The following IGDCC3 variants were observed in gnomAD, a reference collection of about 807,000 sequenced individuals.
IGDCC3 encodes immunoglobulin superfamily DCC subclass member 3, also known as putative neuronal cell adhesion molecule.
Under a neutral mutation model 72.0 loss-of-function variants are expected in IGDCC3, and 47 were observed. The observed-to-expected ratio is 0.65, with a 90% CI of 0.52 to 0.83. The LOEUF (loss-of-function observed/expected upper bound fraction) is 0.83, where lower values mean the gene tolerates loss of function less well. Ranked by LOEUF, IGDCC3 falls within the 40% of genes least tolerant of loss-of-function variation. The pLI, the probability that IGDCC3 is intolerant of heterozygous loss-of-function variation, is 0.00. For missense variants in IGDCC3, 1,038 were observed against 1,091.3 expected, an observed-to-expected ratio of 0.95 and a Z score of 0.69; for synonymous variants, 477 against 472.8, an observed-to-expected ratio of 1.01 and a Z score of -0.11.
intron 2 of IGDCC3, among the ~76,000 whole-genome samples, chr15:65,338,538 C>T (rs552512739): frequency 6.6e-6 from 1 of 152,266 alleles, no homozygotes; most frequent in East Asian, 1.9e-4. Context: ...GGCTCTTCAC[C>T]CCCACCCCTG....
chr15:65,341,025 G>A (rs1017902956), intron 2 of IGDCC3, among the ~76,000 whole-genome samples: 3 of 152,186 alleles, frequency 2.0e-5, no homozygotes, highest in Non-Finnish European at 4.4e-5. Flanking sequence ...CACCATGCCC[G>A]GCCCACATTT....
In IGDCC3 at chr15:65,334,841, TC is replaced by T. The variant is rs770319633; in HGVS notation, c.709del (p.Glu237SerfsTer13). ...CTCAGGCCCCACGAGGATGGCTGGC[TC>T]CTTGTAGGCCCCAGAGCCCGAGCCT... Reference protein sequence around the residue: ...VSGSGSGAYKEPAILVGPENL... With the variant: ...VSGSGSGAYKXPAILVGPENL... On this transcript the variant is annotated frameshift_variant, in exon 5 of 14. Transcript: ENST00000327987. LOFTEE classifies it high-confidence loss of function. 1 of 1,613,210 alleles carries T rather than the reference TC, an allele frequency of 6.2e-7. No homozygotes were observed. Among genetic ancestry groups the T allele is most frequent in the Non-Finnish European group, 8.5e-7 (1 of 1,179,650 alleles).
intron 2 of IGDCC3, among the ~76,000 whole-genome samples, chr15:65,361,844 C>A (rs1704109376): frequency 6.6e-6 from 1 of 152,220 alleles, no homozygotes; most frequent in Admixed American, 6.5e-5. Flanking sequence ...GAGGACGAGG[C>A]ATCATTTTCG....
chr15:65,343,455 T>C (rs1433825245), intron 2 of IGDCC3, among the ~76,000 whole-genome samples: 2 of 152,048 alleles, frequency 1.3e-5, no homozygotes, highest in Non-Finnish European at 2.9e-5. Context: ...AACCAGAGCC[T>C]CTTCTACCTT....
At chr15:65,367,346 CAAAAAAA>C (rs10609381) in intron 2 of IGDCC3, among the ~76,000 whole-genome samples, 3 of 74,418 alleles carry the variant, frequency 4.0e-5, no homozygotes, top group Non-Finnish European at 5.6e-5. Context: ...GACTTTGTCT[CAAAAAAA>C]AAAAAAAAAA....
At position 65,377,915 on chromosome 15, in the gene IGDCC3, G is replaced by T; in HGVS notation, c.-127C>A. 1.1e-6 allele frequency: 1 copy of T among 897,262 alleles called. No individual in the cohort carries two copies. The highest frequency in any genetic ancestry group is 1.3e-6 in the Non-Finnish European group (1 of 742,932). The allele number at this position is 897,262 out of a possible 1,614,324, so 55.6% of individuals were successfully genotyped here. A position where few individuals can be genotyped will look rare whatever the true frequency, so the allele number is the denominator to read the frequency against. ...GCCGGGGCCGAGCCCAGGCGGTGGGGGACTGGGGCCGCATGCCTGCTCAGC... is the reference window on the plus strand; with the variant it reads ...GCCGGGGCCGAGCCCAGGCGGTGGGTGACTGGGGCCGCATGCCTGCTCAGC... On this transcript the variant is annotated 5_prime_UTR_variant, in exon 1 of 14. Coordinates refer to ENST00000327987, the MANE Select transcript of IGDCC3 (RefSeq NM_004884.4). This position sits in a 1 kb window ranked among gnomAD's most constrained non-coding sequence, Gnocchi z 4.9.
chr15:65,369,304 A>C (rs532558810), intron 2 of IGDCC3, among the ~76,000 whole-genome samples: 177 of 152,252 alleles, frequency 1.2e-3, no homozygotes, highest in African/African-American at 4.1e-3. Flanking sequence ...CAACCCCCTC[A>C]CCTTATAATC....
At chr15:65,352,681 C>T (rs1017188912) in intron 2 of IGDCC3, among the ~76,000 whole-genome samples, 3 of 152,192 alleles carry the variant, frequency 2.0e-5, no homozygotes, top group African/African-American at 7.2e-5. Context: ...AAGGTTCCTT[C>T]TATGGAAGAG....
intron 2 of IGDCC3, among the ~76,000 whole-genome samples, chr15:65,372,308 A>G (rs1352286182): frequency 6.6e-6 from 1 of 152,170 alleles, no homozygotes; most frequent in Non-Finnish European, 1.5e-5. Context: ...CGTCCTTAAC[A>G]AGTCTCAATT....
At position 65,329,295 on chromosome 15, in the gene IGDCC3, G is replaced by A. The variant is rs2090953326; in HGVS notation, c.2205+95C>T. 2 of 1,472,860 alleles carry A rather than the reference G, an allele frequency of 1.4e-6. No homozygotes were observed. Among genetic ancestry groups the A allele is most frequent in the Non-Finnish European group, 9.2e-7 (1 of 1,092,102 alleles). 91.2% of individuals were successfully genotyped at this position (1,472,860 alleles called of 1,614,324 possible). A position where few individuals can be genotyped will look rare whatever the true frequency, so the allele number is the denominator to read the frequency against. On this transcript the variant is annotated intron_variant, in intron 13 of 13. Coordinates refer to ENST00000327987, the MANE Select transcript of IGDCC3 (RefSeq NM_004884.4). This position sits in a 1 kb window ranked among gnomAD's most constrained non-coding sequence, Gnocchi z 4.1. ...GACCTGCAGTTTGACTAAGGCCAAT[G>A]ATCGAGGCCCGTGGCCAAGGTGAAG...
In IGDCC3 at chr15:65,366,207, CAAAA is replaced by C. The variant is rs35152855; in HGVS notation, c.409+8886_409+8889del. On this transcript the variant is annotated intron_variant, in intron 2 of 13. Transcript: ENST00000327987. Reference sequence around the variant, plus strand: ...TGGGCAAAAGAGACAGACATTGTCTCAAAAAAAAAAAAAAAAAAAAAACTAGCTG... The same window carrying C: ...TGGGCAAAAGAGACAGACATTGTCTCAAAAAAAAAAAAAAAAAACTAGCTG... Among the ~76,000 whole-genome samples the C allele has an allele frequency of 8.5e-4, 65 of 76,766 alleles. No individual in the cohort carries two copies. In the East Asian group the frequency reaches 0.011, roughly 13 times the overall value. 50.4% of individuals were successfully genotyped at this position (76,766 alleles called of 152,430 possible).
At chr15:65,332,613 G>A (rs189783558) in intron 6 of IGDCC3, among the ~76,000 whole-genome samples, 1 of 152,334 alleles carries the variant, frequency 6.6e-6, no homozygotes, top group Non-Finnish European at 1.5e-5. Flanking sequence ...ACGGCACATG[G>A]AATGCTAAAC....
At chr15:65,358,428 C>T (rs185510411) in intron 2 of IGDCC3, among the ~76,000 whole-genome samples, 1 of 152,262 alleles carries the variant, frequency 6.6e-6, no homozygotes, top group East Asian at 1.9e-4. Flanking sequence ...TAATGCTATA[C>T]AGGCCACTAG....
chr15:65,352,825 A>C (rs1453614432), intron 2 of IGDCC3, among the ~76,000 whole-genome samples: 2 of 152,254 alleles, frequency 1.3e-5, no homozygotes, highest in Non-Finnish European at 2.9e-5. Context: ...AAAAATGGGA[A>C]ACTGGACAGA....
intron 2 of IGDCC3, among the ~76,000 whole-genome samples, chr15:65,340,611 C>T (rs181593217): frequency 9.9e-4 from 150 of 152,280 alleles, no homozygotes; most frequent in African/African-American, 3.5e-3. Context: ...TCCAGCCCCT[C>T]CTCAGGCAGC....
In IGDCC3 at chr15:65,329,646, G is replaced by A. The variant is rs763214225; in HGVS notation, c.1998-49C>T. 6.2e-7 allele frequency: 1 copy of A among 1,611,106 alleles called. No individual in the cohort carries two copies. Among genetic ancestry groups the A allele is most frequent in the Non-Finnish European group, 8.5e-7 (1 of 1,177,648 alleles). ...GGGAGGGAGAGAGAAAAGAGACAGA[G>A]GCAGTGAGCCCACACTCACCTTCTC... is the stretch of plus-strand genomic sequence containing the variant. On this transcript the variant is annotated intron_variant, in intron 12 of 13. Coordinates refer to ENST00000327987, the MANE Select transcript of IGDCC3 (RefSeq NM_004884.4). The surrounding 1 kb of genome is among the most constrained non-coding windows in gnomAD (Gnocchi z 4.1).
chr15:65,348,865 G>A (rs1184175245), intron 2 of IGDCC3, among the ~76,000 whole-genome samples: 1 of 152,186 alleles, frequency 6.6e-6, no homozygotes, highest in Non-Finnish European at 1.5e-5. Flanking sequence ...GATTAGGCAT[G>A]TACAGGATCT....
Position 65,331,094 on chromosome 15 carries a change from GC to G in IGDCC3, c.1516del (p.Ala506ProfsTer9). ...TAGGGTGGGCACAGAGGCTGAGCTGGCCCCCCTTGGTGTGTAGGCCTTGATG... is the reference window on the plus strand; with the variant it reads ...TAGGGTGGGCACAGAGGCTGAGCTGGCCCCCTTGGTGTGTAGGCCTTGATG... ...FYIKAYTPRG[A>X]SSASVPTLAS... On this transcript the variant is annotated frameshift_variant, in exon 9 of 14. Coordinates refer to ENST00000327987, the MANE Select transcript of IGDCC3 (RefSeq NM_004884.4). LOFTEE classifies it high-confidence loss of function. 3 of 1,614,132 alleles carry G rather than the reference GC, an allele frequency of 1.9e-6. No individual in the cohort carries two copies. The highest frequency in any genetic ancestry group is 2.2e-5 in the South Asian group (2 of 91,080).
chr15:65,355,958 T>C (rs553898343), intron 2 of IGDCC3: 185 of 289,084 alleles, frequency 6.4e-4, no homozygotes, highest in African/African-American at 4.0e-3. Flanking sequence ...CCCGAGGAAA[T>C]AGGCCCTTCA....
Sources: allele counts gnomAD v4.1 joint callset (sites outside exome capture counted in the v4.1 genomes callset), GRCh38; gene constraint gnomAD v4.1.1; non-coding constraint Gnocchi (gnomAD v3.1); transcripts MANE v1.5; gene names NCBI Gene and HGNC (gene_info 2026-07-23, HGNC 2026-07-21).